NFATC3: variants seen among roughly 807,000 people sequenced by gnomAD.
The protein encoded by NFATC3 is nuclear factor of activated T cells 3.
Under a neutral mutation model 98.6 loss-of-function variants are expected in NFATC3, and 46 were observed. The observed-to-expected ratio is 0.47, with a 90% CI of 0.37 to 0.60. The LOEUF is 0.60. Among genes scored for constraint, NFATC3 ranks in the 20% least tolerant of loss-of-function variants. NFATC3 has a pLI of 0.00. For missense variants in NFATC3, 1,256 were observed against 1,295.5 expected, an observed-to-expected ratio of 0.97 and a Z score of 0.47; for synonymous variants, 512 against 472.2, an observed-to-expected ratio of 1.08 and a Z score of -1.09.
chr16:68,140,833 G>T (rs1299848267), intron 3 of NFATC3, among the ~76,000 whole-genome samples: 1 of 152,108 alleles, frequency 6.6e-6, no homozygotes, highest in East Asian at 1.9e-4. Context: ...GGTACAAGTG[G>T]TTTTTTGTTA....
At chr16:68,159,100 C>T (rs376878845) in intron 4 of NFATC3, among the ~76,000 whole-genome samples, 2 of 152,242 alleles carry the variant, frequency 1.3e-5, no homozygotes, top group African/African-American at 2.4e-5. Context: ...AGTGCGGTTG[C>T]GCCTGTCTGT....
chr16:68,197,507 T>G (rs2040726640), intron 9 of NFATC3, among the ~76,000 whole-genome samples: 1 of 152,096 alleles, frequency 6.6e-6, no homozygotes, highest in African/African-American at 2.4e-5. Context: ...GTAATCCCAG[T>G]TACTGAGGAA....
In NFATC3 at chr16:68,126,488, C is replaced by A. The variant is rs761632672; in HGVS notation, c.1279C>A (p.His427Asn). The A allele has an allele frequency of 1.3e-5, 21 of 1,613,914 alleles. No homozygotes were observed. Among genetic ancestry groups the A allele is most frequent in the Non-Finnish European group, 1.8e-5 (21 of 1,179,952 alleles). ...LPPLDWPLPAHFGQCELKIEV... is the reference protein window; with the variant it reads ...LPPLDWPLPANFGQCELKIEV... Reference sequence around the variant, plus strand: ...TCCACTAGACTGGCCTTTACCAGCTCATTTTGGACAATGTGAACTGAAAAT... The same window carrying A: ...TCCACTAGACTGGCCTTTACCAGCTAATTTTGGACAATGTGAACTGAAAAT... The change falls in exon 3 of 10, where the codon CAT (histidine) becomes AAT (asparagine). Residue 427 changes from histidine (H) to asparagine (N), a missense_variant. By Grantham distance (68) the His-to-Asn change is moderately conservative. This residue lies in a region of NFATC3 where 156 missense variants were observed against 212.4 expected (regional missense o/e 0.73). Coordinates refer to ENST00000346183, the MANE Select transcript of NFATC3 (RefSeq NM_173165.3).
intron 1 of NFATC3, among the ~76,000 whole-genome samples, chr16:68,087,968 A>C (rs1407720754): frequency 6.6e-6 from 1 of 152,128 alleles, no homozygotes; most frequent in African/African-American, 2.4e-5. Context: ...ATAGCAATTA[A>C]TTTTGAAATT....
At chr16:68,159,663 T>C (rs2038797109) in intron 4 of NFATC3, among the ~76,000 whole-genome samples, 2 of 151,778 alleles carry the variant, frequency 1.3e-5, no homozygotes, top group Admixed American at 6.6e-5. Flanking sequence ...GACCTCGTGA[T>C]CCACCCACCT....
chr16:68,212,691 A>G (rs1437154644), intron 9 of NFATC3: 1 of 152,148 alleles, frequency 6.6e-6, no homozygotes, highest in African/African-American at 2.4e-5. Context: ...AAATACATAC[A>G]TATACAACTA....
chr16:68,190,030 C>A (rs918470407), intron 8 of NFATC3, among the ~76,000 whole-genome samples: 1 of 152,132 alleles, frequency 6.6e-6, no homozygotes, highest in Non-Finnish European at 1.5e-5. Context: ...CAGAGTGAGA[C>A]CCTGTTTCCC....
At chr16:68,163,672 C>T in intron 4 of NFATC3, among the ~76,000 whole-genome samples, 1 of 151,438 alleles carries the variant, frequency 6.6e-6, no homozygotes, top group African/African-American at 2.4e-5. Flanking sequence ...GGAGGGTCTC[C>T]TCACTTCTCT....
chr16:68,164,524 C>G (rs1306136648), intron 4 of NFATC3, among the ~76,000 whole-genome samples: 1 of 152,160 alleles, frequency 6.6e-6, no homozygotes, highest in African/African-American at 2.4e-5. Context: ...GTATTTATTG[C>G]CTTAGCTCTT....
chr16:68,085,624 G>A lies in NFATC3; in HGVS notation c.-58G>A. 2 of 1,433,628 alleles carry A rather than the reference G, an allele frequency of 1.4e-6. No homozygotes were observed. The highest frequency in any genetic ancestry group is 3.0e-5 in the East Asian group (1 of 33,244). 88.8% of individuals were successfully genotyped at this position (1,433,628 alleles called of 1,614,324 possible). A position where few individuals can be genotyped will look rare whatever the true frequency, so the allele number is the denominator to read the frequency against. On this transcript the variant is annotated 5_prime_UTR_variant, in exon 1 of 10. Coordinates refer to ENST00000346183, the MANE Select transcript of NFATC3 (RefSeq NM_173165.3). ...GCGGCGTTGAGGAGCTGCTGCCGCC[G>A]CTTGCCGCTGCCGCCGCCGCCGCCT...
intron 9 of NFATC3, among the ~76,000 whole-genome samples, chr16:68,194,796 T>C (rs1366735540): frequency 6.6e-6 from 1 of 152,192 alleles, no homozygotes; most frequent in African/African-American, 2.4e-5. Context: ...GAGGGTCGGA[T>C]AGGCAACAAA....
At chr16:68,205,591 T>C (rs2041114445) in intron 9 of NFATC3, among the ~76,000 whole-genome samples, 1 of 152,182 alleles carries the variant, frequency 6.6e-6, no homozygotes, top group Non-Finnish European at 1.5e-5. Context: ...AGTTACAACA[T>C]TATACATAGT....
At chr16:68,198,401 C>T (rs1056849462) in intron 9 of NFATC3, among the ~76,000 whole-genome samples, 1 of 152,060 alleles carries the variant, frequency 6.6e-6, no homozygotes, top group African/African-American at 2.4e-5. Context: ...TTACACAGAG[C>T]CTAAGGTGTT....
rs58028336 is a variant in NFATC3 at position 68,138,819 on chromosome 16, C to A, written c.1401+12209C>A. ...GTTAGTGTGCCTTCTATGCCACATGCTCCACACAGGAATAAATCATGGCTA... is the reference window on the plus strand; with the variant it reads ...GTTAGTGTGCCTTCTATGCCACATGATCCACACAGGAATAAATCATGGCTA... On this transcript the variant is annotated intron_variant, in intron 3 of 9. Coordinates refer to ENST00000346183, the MANE Select transcript of NFATC3 (RefSeq NM_173165.3). 14 of 1,227,274 alleles carry A rather than the reference C, an allele frequency of 1.1e-5. No individual in the cohort carries two copies. The South Asian group carries it at 1.9e-4, about 16-fold the overall frequency. 76.0% of individuals were successfully genotyped at this position (1,227,274 alleles called of 1,614,324 possible).
intron 8 of NFATC3, among the ~76,000 whole-genome samples, chr16:68,186,823 T>C (rs1598539226): frequency 1.3e-5 from 2 of 152,256 alleles, no homozygotes; most frequent in East Asian, 3.8e-4. Context: ...TTTGTATGAA[T>C]ACTTTATTTA....
At chr16:68,196,912 C>T (rs1198378348) in intron 9 of NFATC3, among the ~76,000 whole-genome samples, 2 of 151,994 alleles carry the variant, frequency 1.3e-5, no homozygotes, top group African/African-American at 4.8e-5. Flanking sequence ...TCCCTGTAAT[C>T]CCAGCTACTT....
At chr16:68,180,284 A>G (rs1242545478) in intron 6 of NFATC3, among the ~76,000 whole-genome samples, 1 of 152,178 alleles carries the variant, frequency 6.6e-6, no homozygotes, top group African/African-American at 2.4e-5. Flanking sequence ...TCAAGATTTT[A>G]TTTTGTGACG....
intron 1 of NFATC3, among the ~76,000 whole-genome samples, chr16:68,107,570 AAAATT>A (rs2035727431): frequency 6.6e-6 from 1 of 152,140 alleles, no homozygotes; most frequent in Non-Finnish European, 1.5e-5. Flanking sequence ...TAAAAATAAT[AAAATT>A]AGCTGGGCAT....
chr16:68,104,754 A>G (rs2035560953), intron 1 of NFATC3, among the ~76,000 whole-genome samples: 1 of 147,976 alleles, frequency 6.8e-6, no homozygotes, highest in African/African-American at 2.5e-5. Flanking sequence ...TGGGTTCATC[A>G]CGCCATTCTC....
Sources: allele counts gnomAD v4.1 joint callset (sites outside exome capture counted in the v4.1 genomes callset), GRCh38; gene constraint gnomAD v4.1.1; regional missense constraint gnomAD v4.1.1; transcripts MANE v1.5; gene names NCBI Gene and HGNC (gene_info 2026-07-23, HGNC 2026-07-21).